The following TPM1 variants were observed in gnomAD, a reference collection of about 807,000 sequenced individuals.
The protein encoded by TPM1 is tropomyosin alpha-1 chain.
A neutral mutation model predicts 42.9 loss-of-function variants in TPM1; 24 were observed. The ratio of observed to expected loss-of-function variants is 0.56; its 90% CI spans 0.41 to 0.79. The LOEUF is 0.79. TPM1 is among the 30% of genes least tolerant of loss of function. The pLI is 0.00. For synonymous variants in TPM1, 136 were observed against 130.1 expected (o/e 1.05, Z -0.31); for missense variants, 158 against 351.8 (o/e 0.45, Z 4.41).
downstream of TPM1, chr15:63,066,323 C>A: frequency 1.7e-6 from 1 of 571,658 alleles, no homozygotes; most frequent in Non-Finnish European, 2.4e-6. Flanking sequence ...TTCTGATTTT[C>A]AAAGGTTAGA....
intron 9 of TPM1, chr15:63,064,866 C>A: frequency 1.8e-6 from 1 of 565,250 alleles, no homozygotes; most frequent in Non-Finnish European, 2.2e-6. Context: ...ACTCAGGAGG[C>A]TGAGGCAGGA....
chr15:63,059,722 G>A, intron 4 of TPM1, 42 bp downstream of exon 4: 2 of 1,431,708 alleles, frequency 1.4e-6, no homozygotes, highest in Non-Finnish European at 2.0e-6. Context: ...ACCCAGCAGT[G>A]GCCTTCAGGA....
chr15:63,059,176 T>C (rs756865945), intron 3 of TPM1, among the ~76,000 whole-genome samples: 1 of 152,244 alleles, frequency 6.6e-6, no homozygotes, highest in Admixed American at 6.5e-5. Context: ...CTTTGGTTCA[T>C]GTGCAAGCTG....
intron 4 of TPM1, among the ~76,000 whole-genome samples, chr15:63,060,442 T>A (rs2035461513): frequency 6.6e-6 from 1 of 152,232 alleles, no homozygotes; most frequent in African/African-American, 2.4e-5. Context: ...ATTCTTCCAC[T>A]GCAGTAAGGA....
intron 3 of TPM1, among the ~76,000 whole-genome samples, chr15:63,058,254 C>T (rs550514202): frequency 6.6e-5 from 10 of 152,082 alleles, no homozygotes; most frequent in Admixed American, 2.6e-4. Flanking sequence ...TGTTAGACTT[C>T]GGAGTAAAGG....
At position 63,057,190 on chromosome 15, in the gene TPM1, C is replaced by T. The variant is rs1465022643; in HGVS notation, c.374+72C>T. The T allele has an allele frequency of 1.9e-6, 3 of 1,602,584 alleles. No individual in the cohort carries two copies. The Admixed American group carries it at 5.0e-5, about 27-fold the overall frequency. Reference sequence around the variant, plus strand: ...GAATAAACCGGAGGGCTCCTGTGATCTTTGAGGTTTAAGAATTTTTCAGTC... The same window carrying T: ...GAATAAACCGGAGGGCTCCTGTGATTTTTGAGGTTTAAGAATTTTTCAGTC... On this transcript the variant is annotated intron_variant, in intron 3 of 9. Transcript: ENST00000403994.
rs1455822203 is a variant in TPM1 at position 63,060,928 on chromosome 15, G to A, written c.552G>A (p.Glu184=). 6.2e-7 allele frequency: 1 copy of A among 1,614,142 alleles called. No homozygotes were observed. The highest frequency in any genetic ancestry group is 1.1e-5 in the South Asian group (1 of 91,086). ...TGGAACGTGCAGAGGAGCGGGCTGA[G>A]CTCTCAGAAGGGTAAGCGGGCCCGG... ...SDLERAEERA[E]LSEGKCAELE... The change falls in exon 5 of 10, where the codon GAG becomes GAA. Residue 184 remains glutamate (E), a synonymous_variant. Coordinates refer to ENST00000403994, the MANE Select transcript of TPM1 (RefSeq NM_001018005.2).
chr15:63,063,997 A>T, intron 8 of TPM1, 67 bp from the exon 9 acceptor site: 2 of 1,598,956 alleles, frequency 1.3e-6, no homozygotes, highest in Non-Finnish European at 1.7e-6. Context: ...CACCACCCTC[A>T]CTCACCCTCC....
At chr15:63,053,868 G>A (rs990200561) in intron 2 of TPM1, among the ~76,000 whole-genome samples, 11 of 151,848 alleles carry the variant, frequency 7.2e-5, no homozygotes, top group African/African-American at 2.7e-4. Context: ...TTTTTGTAGA[G>A]ACGGGGTTTC....
chr15:63,052,655 C>T (rs900025778), intron 2 of TPM1, among the ~76,000 whole-genome samples: 3 of 151,970 alleles, frequency 2.0e-5, no homozygotes, highest in Admixed American at 2.0e-4. Context: ...TTTTAGATAA[C>T]AGATGGTCAT....
chr15:63,048,280 G>A (rs1464556339), intron 2 of TPM1: 3 of 611,540 alleles, frequency 4.9e-6, no homozygotes, highest in Admixed American at 2.3e-5. Context: ...CCCGCAGCGC[G>A]CCGGGAGCGC....
rs562225858 is a variant in TPM1, at chr15:63,061,709, T to A, written c.564-4T>A. ...CCCTTTCTGCCTCTGATCGAAAACA[T>A]TAGCAAATGTGCCGAGCTTGAAGAA... On this transcript the variant is annotated splice_region_variant and splice_polypyrimidine_tract_variant and intron_variant, in intron 5 of 9. Coordinates refer to ENST00000403994, the MANE Select transcript of TPM1 (RefSeq NM_001018005.2). 1 of 1,614,074 alleles carries A rather than the reference T, an allele frequency of 6.2e-7. No homozygotes were observed. The highest frequency in any genetic ancestry group is 1.1e-5 in the South Asian group (1 of 91,082).
At chr15:63,061,978 G>A in intron 6 of TPM1, 190 bp downstream of exon 6, 2 of 673,502 alleles carry the variant, frequency 3.0e-6, no homozygotes, top group Middle Eastern at 4.0e-4. Flanking sequence ...GGGATATGAG[G>A]CATCAATTTA....
intron 2 of TPM1, chr15:63,047,867 G>T (rs1271319199): frequency 4.7e-6 from 1 of 212,790 alleles, no homozygotes; most frequent in East Asian, 1.8e-4. Context: ...AGAGAAGACA[G>T]GTAATGTGTC....
intron 9 of TPM1, chr15:63,064,424 T>C: frequency 8.1e-7 from 1 of 1,235,240 alleles, no homozygotes; most frequent in Non-Finnish European, 1.0e-6. Context: ...CACTGTCCTT[T>C]TGGGAAATTA....
chr15:63,054,558 A>G (rs1273943523), intron 2 of TPM1: 1 of 152,238 alleles, frequency 6.6e-6, no homozygotes. Context: ...CTTTCCCCAA[A>G]GCATAAACAG....
downstream of TPM1, chr15:63,070,267 G>T (rs915780252): frequency 2.2e-4 from 250 of 1,151,266 alleles, no homozygotes; most frequent in Non-Finnish European, 2.5e-4. Context: ...TTTCCTGACA[G>T]CCATGAGTCC....
chr15:63,051,331 A>G (rs1036194934), intron 2 of TPM1, among the ~76,000 whole-genome samples: 2 of 147,188 alleles, frequency 1.4e-5, no homozygotes, highest in Admixed American at 6.8e-5. Flanking sequence ...TTGTGCTTGC[A>G]TTGGCACTCC....
At chr15:63,063,895 C>A in intron 8 of TPM1, 169 bp from the exon 9 acceptor site, 2 of 840,874 alleles carry the variant, frequency 2.4e-6, no homozygotes, top group Non-Finnish European at 3.5e-6. Flanking sequence ...TTACTTAAAA[C>A]AAAACGCACG....
Sources: gnomAD v4.1 joint callset for allele counts (sites outside exome capture counted in the v4.1 genomes callset) on GRCh38, gnomAD v4.1.1 for gene constraint, MANE v1.5 for transcripts, NCBI Gene and HGNC (gene_info 2026-07-23, HGNC 2026-07-21) for gene names.